The following TRAPPC9 variants were observed in gnomAD, a reference collection of about 807,000 sequenced individuals.
The protein encoded by TRAPPC9 is trafficking protein particle complex subunit 9, also known as IKK2 binding protein.
Under a neutral mutation model 124.0 loss-of-function variants are expected in TRAPPC9, and 83 were observed. That is an observed-to-expected ratio of 0.67 (90% CI 0.56 to 0.80). The LOEUF is 0.80. Ranked by LOEUF, TRAPPC9 falls within the 30% of genes least tolerant of loss-of-function variation. TRAPPC9 has a pLI of 0.00. For missense variants in TRAPPC9, 1,302 were observed against 1,508.3 expected (o/e 0.86, Z 2.27); for synonymous variants, 638 against 617.5 (o/e 1.03, Z -0.49).
intron 17 of TRAPPC9, among the ~76,000 whole-genome samples, chr8:140,188,705 T>C (rs918666817): frequency 6.6e-6 from 1 of 152,162 alleles, no homozygotes; most frequent in African/African-American, 2.4e-5. Flanking sequence ...TTCAAGTCTC[T>C]CTTCACTTTC....
At chr8:140,406,860 A>C (rs2069511943) in intron 5 of TRAPPC9, among the ~76,000 whole-genome samples, 1 of 152,206 alleles carries the variant, frequency 6.6e-6, no homozygotes. Context: ...ATGATAATAG[A>C]AAAGGGCATG....
At chr8:140,345,255 T>C (rs550351473) in intron 9 of TRAPPC9, among the ~76,000 whole-genome samples, 1 of 151,770 alleles carries the variant, frequency 6.6e-6, no homozygotes, top group East Asian at 1.9e-4. Flanking sequence ...AGAGATGGGG[T>C]GGAGGTGCTG....
intron 17 of TRAPPC9, among the ~76,000 whole-genome samples, chr8:140,206,481 T>C (rs1432457072): frequency 6.6e-6 from 1 of 152,154 alleles, no homozygotes; most frequent in Non-Finnish European, 1.5e-5. Context: ...TATCCTGTCT[T>C]CCTTGGCAGA....
At chr8:140,160,712 T>C (rs1335166617) in intron 17 of TRAPPC9, among the ~76,000 whole-genome samples, 1 of 151,860 alleles carries the variant, frequency 6.6e-6, no homozygotes, top group Non-Finnish European at 1.5e-5. Flanking sequence ...AGTTGATGGG[T>C]GCAGCACATC....
intron 21 of TRAPPC9, among the ~76,000 whole-genome samples, chr8:139,768,045 T>C (rs1820700797): frequency 6.6e-6 from 1 of 152,200 alleles, no homozygotes; most frequent in South Asian, 2.1e-4. Context: ...GCCAGATTTA[T>C]AATATGGGCA....
chr8:140,398,526 G>A (rs2069160599), intron 6 of TRAPPC9, among the ~76,000 whole-genome samples: 3 of 152,236 alleles, frequency 2.0e-5, no homozygotes, highest in Non-Finnish European at 2.9e-5. Context: ...GGGAACTGGA[G>A]CAAAGGTGAC....
chr8:139,728,281 T>G lies in TRAPPC9; in HGVS notation c.*2780A>C, dbSNP rs1275434765. On this transcript the variant is annotated 3_prime_UTR_variant, in exon 23 of 23. Transcript: ENST00000438773. ...GATTATGGGGTCACCGGGCCTGTCC[T>G]GGCCCTGAGGGACCAAGGATCAGAA... 6.6e-6 allele frequency among the ~76,000 whole-genome samples: 1 copy of G among 152,188 alleles called. No individual in the cohort carries two copies. Among genetic ancestry groups the G allele is most frequent in the Non-Finnish European group, 1.5e-5 (1 of 68,040 alleles).
chr8:140,047,384 G>T (rs961871014), intron 17 of TRAPPC9, among the ~76,000 whole-genome samples: 1 of 152,260 alleles, frequency 6.6e-6, no homozygotes, highest in African/African-American at 2.4e-5. Context: ...CGAATGCGAA[G>T]GGTATGGAAG....
At chr8:140,349,484 G>C (rs926844430) in intron 9 of TRAPPC9, among the ~76,000 whole-genome samples, 4 of 152,122 alleles carry the variant, frequency 2.6e-5, no homozygotes, top group Admixed American at 6.5e-5. Flanking sequence ...GCGCGCGAGG[G>C]AAGGCAGACG....
At chr8:140,383,689 G>A (rs1280407678) in intron 7 of TRAPPC9, among the ~76,000 whole-genome samples, 2 of 152,152 alleles carry the variant, frequency 1.3e-5, no homozygotes, top group East Asian at 1.9e-4. Flanking sequence ...ACGTTTGATT[G>A]GTGTACCTGA....
rs575319975 is a variant in TRAPPC9, at chr8:140,223,743, A to T, written c.2432-2160T>A. Reference sequence around the variant, plus strand: ...GCATAATAGAAATAGTTCATAATTTAAAAAAAAAAAAACAAAAACACTTCT... The same window carrying T: ...GCATAATAGAAATAGTTCATAATTTTAAAAAAAAAAAACAAAAACACTTCT... On this transcript the variant is annotated intron_variant, in intron 16 of 22. Transcript: ENST00000438773. Among the ~76,000 whole-genome samples the T allele has an allele frequency of 4.4e-3, 411 of 94,114 alleles. 3 individuals carry two copies. The highest frequency in any genetic ancestry group is 0.015 in the African/African-American group (388 of 25,506). The allele number at this position is 94,114 out of a possible 152,430, so 61.7% of individuals were successfully genotyped here. A position where few individuals can be genotyped will look rare whatever the true frequency, so the allele number is the denominator to read the frequency against.
At position 140,287,626 on chromosome 8, in the gene TRAPPC9, C is replaced by T. The variant is rs1439742071; in HGVS notation, c.1963G>A (p.Gly655Arg). The T allele has an allele frequency of 6.2e-7, 1 of 1,614,152 alleles. No individual in the cohort carries two copies. Among genetic ancestry groups the T allele is most frequent in the South Asian group, 1.1e-5 (1 of 91,080 alleles). Reference sequence around the variant, plus strand: ...TCCTTACCGTTCACAGTAATCGTTCCAGTCGTCTGCGGGACCCCGACGAGC... The same window carrying T: ...TCCTTACCGTTCACAGTAATCGTTCTAGTCGTCTGCGGGACCCCGACGAGC... Reference protein sequence around the residue: ...VTLVGVPQTTGTITVNGYHTT... With the variant: ...VTLVGVPQTTRTITVNGYHTT... The change falls in exon 13 of 23, where the codon GGA becomes AGA. Residue 655 changes from glycine to arginine, a missense_variant. Physicochemically the swap from Gly to Arg is moderately radical, Grantham distance 125 (BLOSUM62 -2). Coordinates refer to ENST00000438773, the MANE Select transcript of TRAPPC9 (RefSeq NM_001160372.4).
At chr8:140,144,401 G>A (rs939482353) in intron 17 of TRAPPC9, among the ~76,000 whole-genome samples, 20 of 152,148 alleles carry the variant, frequency 1.3e-4, no homozygotes, top group African/African-American at 4.6e-4. Flanking sequence ...TCTTGTACAC[G>A]TCATGAGGTT....
At chr8:139,734,592 T>A (rs994839776) in intron 21 of TRAPPC9, among the ~76,000 whole-genome samples, 1 of 152,222 alleles carries the variant, frequency 6.6e-6, no homozygotes, top group Non-Finnish European at 1.5e-5. Context: ...CCATTCCCCA[T>A]CCTCAGGGCT....
chr8:140,425,273 G>A (rs771978008), intron 5 of TRAPPC9, among the ~76,000 whole-genome samples: 5 of 152,148 alleles, frequency 3.3e-5, no homozygotes, highest in Admixed American at 6.6e-5. Flanking sequence ...CTCTTTACTC[G>A]CTCTCCCATT....
At chr8:140,259,365 C>A (rs1471927026) in intron 15 of TRAPPC9, among the ~76,000 whole-genome samples, 1 of 152,194 alleles carries the variant, frequency 6.6e-6, no homozygotes, top group Non-Finnish European at 1.5e-5. Context: ...CATTCTTCCA[C>A]CAAACGGTCA....
At chr8:140,418,188 T>C (rs976464293) in intron 5 of TRAPPC9, among the ~76,000 whole-genome samples, 1 of 152,158 alleles carries the variant, frequency 6.6e-6, no homozygotes, top group Non-Finnish European at 1.5e-5. Flanking sequence ...TCTGCACGTG[T>C]ATCCCAGAAC....
Position 139,763,292 on chromosome 8 carries a change from T to C in TRAPPC9, c.3056-31090A>G, listed in dbSNP as rs927960504. Among the ~76,000 whole-genome samples the C allele has an allele frequency of 1.4e-4, 22 of 152,184 alleles. 1 individual carries two copies. The highest frequency in any genetic ancestry group is 4.3e-4 in the African/African-American group (18 of 41,444). ...AACGTGGCTCTGGCGAATATAAAGC[T>C]CATGATCTTTCACTATGACTACAGG... On this transcript the variant is annotated intron_variant, in intron 21 of 22. Transcript: ENST00000438773.
intron 15 of TRAPPC9, among the ~76,000 whole-genome samples, chr8:140,274,489 C>T (rs1196366735): frequency 2.0e-5 from 3 of 152,208 alleles, no homozygotes; most frequent in African/African-American, 7.2e-5. Context: ...TTAGACAATG[C>T]GGACGCAAAG....
Sources: allele counts gnomAD v4.1 joint callset (sites outside exome capture counted in the v4.1 genomes callset), GRCh38; gene constraint gnomAD v4.1.1; transcripts MANE v1.5; gene names NCBI Gene and HGNC (gene_info 2026-07-23, HGNC 2026-07-21).